The following GTSF1 variants were observed in gnomAD, a reference collection of about 807,000 sequenced individuals.
The protein encoded by GTSF1 is gametocyte specific factor 1, also known as gametocyte-specific factor 1.
A neutral mutation model predicts 28.9 loss-of-function variants in GTSF1; 11 were observed. That is an observed-to-expected ratio of 0.38 (90% CI 0.24 to 0.63). GTSF1 has a LOEUF of 0.63. GTSF1 is among the 30% of genes least tolerant of loss of function. GTSF1 has a pLI of 0.56. For synonymous variants in GTSF1, 69 were observed against 65.6 expected, an observed-to-expected ratio of 1.05 and a Z score of -0.25; for missense variants, 146 against 201.0, an observed-to-expected ratio of 0.73 and a Z score of 1.66.
At chr12:54,456,623 A>G (rs1167587586) in intron 8 of GTSF1, among the ~76,000 whole-genome samples, 1 of 152,258 alleles carries the variant, frequency 6.6e-6, no homozygotes, top group Non-Finnish European at 1.5e-5. Flanking sequence ...TGATAAAAAC[A>G]TAAATAGGAT....
In GTSF1 at chr12:54,463,213, T is replaced by C. The variant is rs1956452415; in HGVS notation, c.202A>G (p.Ile68Val). ...CAACTTCTGTCATCACAGCTTGAGA[T>C]ATGATGACTAATTTCAGCTCGAGGA... ...QVPRAEISHH[I>V]SSCDDRSCIE... is the part of the protein sequence containing the mutation. Residue 68 changes from isoleucine to valine, a missense_variant, in exon 4 of 9, where the codon ATC becomes GTC. Ile to Val is a conservative substitution (Grantham distance 29, BLOSUM62 3). Coordinates refer to ENST00000305879, the MANE Select transcript of GTSF1 (RefSeq NM_144594.3). 6.2e-7 allele frequency: 1 copy of C among 1,613,928 alleles called. No individual in the cohort carries two copies. The highest frequency in any genetic ancestry group is 1.3e-5 in the African/African-American group (1 of 74,950).
intron 2 of GTSF1, among the ~76,000 whole-genome samples, chr12:54,466,484 C>A (rs974675232): frequency 6.6e-6 from 1 of 152,170 alleles, no homozygotes; most frequent in African/African-American, 2.4e-5. Flanking sequence ...AAAGGACAGG[C>A]AGGCTTATTA....
chr12:54,460,114 A>G (rs1352039978), intron 7 of GTSF1, among the ~76,000 whole-genome samples: 7 of 152,132 alleles, frequency 4.6e-5, no homozygotes, highest in Non-Finnish European at 1.0e-4. Context: ...TTCTCATGGT[A>G]TTTGACGTCA....
intron 8 of GTSF1, among the ~76,000 whole-genome samples, 160 bp from the exon 9 acceptor site, chr12:54,456,313 T>A (rs1956329158): frequency 6.6e-6 from 1 of 152,230 alleles, no homozygotes; most frequent in African/African-American, 2.4e-5. Context: ...TACCTTCTGA[T>A]CTTTAACTCT....
intron 2 of GTSF1, chr12:54,468,968 G>A (rs1475538160): frequency 1.3e-5 from 2 of 152,178 alleles, no homozygotes; most frequent in Non-Finnish European, 2.9e-5. Context: ...AAAAAGTAAC[G>A]AAGAAGTAAG....
chr12:54,462,590 A>G (rs1410317180), intron 5 of GTSF1, 52 bp downstream of exon 5: 3 of 1,432,660 alleles, frequency 2.1e-6, no homozygotes, highest in Non-Finnish European at 2.9e-6. Flanking sequence ...TGTCTTAAGC[A>G]AATGACTTGA....
At chr12:54,467,505 G>C (rs377646641) in intron 2 of GTSF1, among the ~76,000 whole-genome samples, 220 of 151,984 alleles carry the variant, frequency 1.4e-3, no homozygotes, top group African/African-American at 5.1e-3. Context: ...AGTAGAGACG[G>C]GGTTTCATCA....
chr12:54,471,232 C>T lies in GTSF1; in HGVS notation c.16+1G>A, dbSNP rs929900895. On this transcript the variant is annotated splice_donor_variant, in intron 2 of 8. Coordinates refer to ENST00000305879, the MANE Select transcript of GTSF1 (RefSeq NM_144594.3). LOFTEE classifies it high-confidence loss of function. ...TTCTAAAAGCAACAAGGAGTACATA[C>T]TGTAAGTTTCTTCCATGTTGGAAAT... The T allele has an allele frequency of 1.1e-5, 17 of 1,591,976 alleles. No individual in the cohort carries two copies. Among genetic ancestry groups the T allele is most frequent in the Non-Finnish European group, 1.5e-5 (17 of 1,170,884 alleles).
At chr12:54,464,461 T>A (rs1310115798) in intron 3 of GTSF1, among the ~76,000 whole-genome samples, 1 of 152,240 alleles carries the variant, frequency 6.6e-6, no homozygotes, top group East Asian at 1.9e-4. Flanking sequence ...GCATAAATTC[T>A]AGCAGAATTT....
rs1336480046 is a variant in GTSF1, at chr12:54,462,147, T to C, written c.354A>G (p.Pro118=). 1 of 1,613,744 alleles carries C rather than the reference T, an allele frequency of 6.2e-7. No homozygotes were observed. The highest frequency in any genetic ancestry group is 1.7e-5 in the Admixed American group (1 of 59,970). The change falls in exon 6 of 9, where the codon CCA becomes CCG. Residue 118 remains proline (P), a synonymous_variant. Transcript: ENST00000305879. ...DKDLWEQTST[P]FVWGTTHYSD... The stretch of plus-strand genomic sequence containing the variant: ...AGTAGTGAGTTGTGCCCCAGACAAA[T>C]GGGGTGCTGGTCTGCTCCCACAAAT...
At chr12:54,461,349 C>T (rs1257707662) in intron 6 of GTSF1, among the ~76,000 whole-genome samples, 1 of 152,040 alleles carries the variant, frequency 6.6e-6, no homozygotes, top group Non-Finnish European at 1.5e-5. Flanking sequence ...ATCCTCCCAC[C>T]TTGGCCTCCA....
intron 3 of GTSF1, 40 bp downstream of exon 3, chr12:54,465,027 A>G: frequency 8.3e-7 from 1 of 1,206,648 alleles, no homozygotes; most frequent in African/African-American, 1.5e-5. Flanking sequence ...GCCTTTTAAA[A>G]GAACTCAGGA....
chr12:54,462,613 G>C, intron 5 of GTSF1, 29 bp downstream of exon 5: 2 of 1,555,374 alleles, frequency 1.3e-6, no homozygotes, highest in Non-Finnish European at 1.8e-6. Flanking sequence ...TTTAGACATT[G>C]TGAAGAAAAA....
In GTSF1 at chr12:54,460,468, A is replaced by C; in HGVS notation, c.396T>G (p.Pro132=). 1 of 1,611,880 alleles carries C rather than the reference A, an allele frequency of 6.2e-7. No homozygotes were observed. Among genetic ancestry groups the C allele is most frequent in the Middle Eastern group, 1.7e-4 (1 of 6,054 alleles). Residue 132 remains proline, a synonymous_variant, in exon 7 of 9, where the codon CCT becomes CCG. Transcript: ENST00000305879. ...TATGTTCTGTAACTATGTTGCTCGC[A>C]GGGCTGCAAAAAGATGAATTTGGCT... The part of the protein sequence containing the change: ...GTTHYSDNNS[P]ASNIVTEHKN...
Position 54,463,211 on chromosome 12 carries a change from G to C in GTSF1, c.204C>G (p.Ile68Met). ...TACAACTTCTGTCATCACAGCTTGA[G>C]ATATGATGACTAATTTCAGCTCGAG... ...QVPRAEISHH[I>M]SSCDDRSCIE... Residue 68 changes from isoleucine (I) to methionine (M), a missense_variant, in exon 4 of 9, where the codon ATC becomes ATG. Transcript: ENST00000305879. 1 of 1,613,962 alleles carries C rather than the reference G, an allele frequency of 6.2e-7. No homozygotes were observed. The highest frequency in any genetic ancestry group is 8.5e-7 in the Non-Finnish European group (1 of 1,179,856).
intron 8 of GTSF1, among the ~76,000 whole-genome samples, chr12:54,456,930 C>G (rs1041975197): frequency 6.6e-6 from 1 of 151,970 alleles, no homozygotes; most frequent in Non-Finnish European, 1.5e-5. Flanking sequence ...ACTAAAAATA[C>G]AAAAATTAGC....
intron 2 of GTSF1, among the ~76,000 whole-genome samples, chr12:54,467,372 T>C (rs1592322563): frequency 6.6e-6 from 1 of 151,964 alleles, no homozygotes; most frequent in Non-Finnish European, 1.5e-5. Context: ...TGGAGTGCAG[T>C]TGCACGATCT....
intron 1 of GTSF1, chr12:54,472,279 C>G (rs1489211234): frequency 6.6e-6 from 1 of 152,212 alleles, no homozygotes; most frequent in African/African-American, 2.4e-5. Flanking sequence ...GGAAGGGCCA[C>G]ACTAACATTG....
At position 54,458,573 on chromosome 12, in the gene GTSF1, T is replaced by C. The variant is rs548244834; in HGVS notation, c.*20+516A>G. On this transcript the variant is annotated intron_variant, in intron 8 of 8. Coordinates refer to ENST00000305879, the MANE Select transcript of GTSF1 (RefSeq NM_144594.3). ...TTTTAGTAGAGACAGGGTTTCACCA[T>C]GTTGGCCAGGCTGGTCTCAAACTCC... Among the ~76,000 whole-genome samples the C allele has an allele frequency of 3.2e-3, 494 of 152,260 alleles. 3 individuals are homozygous for C. Among genetic ancestry groups the C allele is most frequent in the South Asian group, 0.022 (108 of 4,822 alleles).
Sources: allele counts gnomAD v4.1 joint callset (sites outside exome capture counted in the v4.1 genomes callset), GRCh38; gene constraint gnomAD v4.1.1; transcripts MANE v1.5; gene names NCBI Gene and HGNC (gene_info 2026-07-23, HGNC 2026-07-21).